Variants in LAMA2 observed in about 807,000 individuals in gnomAD.
LAMA2 encodes laminin subunit alpha-2.
Under a neutral mutation model 364.8 loss-of-function variants are expected in LAMA2, and 269 were observed. The ratio of observed to expected loss-of-function variants is 0.74; its 90% CI spans 0.67 to 0.82. LAMA2 has a LOEUF of 0.82. Among genes scored for constraint, LAMA2 ranks in the 40% least tolerant of loss-of-function variants. The pLI, the probability that LAMA2 is intolerant of heterozygous loss-of-function variation, is 0.00. For synonymous variants in LAMA2, 1,379 were observed against 1,370.6 expected (o/e 1.01, Z -0.14); for missense variants, 3,807 against 3,873.2 (o/e 0.98, Z 0.45).
intron 4 of LAMA2, among the ~76,000 whole-genome samples, chr6:129,099,484 A>G (rs1181418696): frequency 2.0e-5 from 3 of 152,052 alleles, no homozygotes; most frequent in Non-Finnish European, 1.5e-5. Flanking sequence ...TCCCTTTAGT[A>G]TATGTGACCC....
chr6:129,495,905 C>G (rs1785154584), intron 58 of LAMA2, among the ~76,000 whole-genome samples: 1 of 151,582 alleles, frequency 6.6e-6, no homozygotes, highest in African/African-American at 2.4e-5. Context: ...TTTAACTTTT[C>G]CGAAAACAGA....
chr6:129,388,811 A>T (rs1183848437), intron 35 of LAMA2, among the ~76,000 whole-genome samples: 1 of 152,200 alleles, frequency 6.6e-6, no homozygotes, highest in Non-Finnish European at 1.5e-5. Flanking sequence ...ATCAGTAGTT[A>T]CTTACATGCT....
intron 22 of LAMA2, among the ~76,000 whole-genome samples, chr6:129,301,766 G>A (rs1773564633): frequency 6.6e-6 from 1 of 152,122 alleles, no homozygotes. Context: ...TTACAGTGGT[G>A]TAATCATCCC....
At position 129,493,412 on chromosome 6, in the gene LAMA2, G is replaced by A. The variant is rs114219276; in HGVS notation, c.8244+929G>A. Among the ~76,000 whole-genome samples, 971 of 152,266 alleles carry A rather than the reference G, an allele frequency of 6.4e-3. 10 individuals carry two copies. Among genetic ancestry groups the A allele is most frequent in the African/African-American group, 0.022 (900 of 41,566 alleles). On this transcript the variant is annotated intron_variant, in intron 58 of 64. Coordinates refer to ENST00000421865, the MANE Select transcript of LAMA2 (RefSeq NM_000426.4). ...ATCTATTTCTCAGTTTCCCATCCAA[G>A]TACTAACCGGGCCCAACCCTGCTTA...
intron 1 of LAMA2, among the ~76,000 whole-genome samples, chr6:128,928,682 G>T (rs1779250177): frequency 6.6e-6 from 1 of 152,168 alleles, no homozygotes; most frequent in African/African-American, 2.4e-5. Context: ...TTATGCAAAA[G>T]AACGTCTTTC....
chr6:129,169,170 T>G (rs1339270552), intron 9 of LAMA2, among the ~76,000 whole-genome samples: 1 of 150,110 alleles, frequency 6.7e-6, no homozygotes, highest in Admixed American at 6.6e-5. Context: ...TCCTGCCTAA[T>G]TGCCCTGGCC....
chr6:128,889,415 T>C (rs1776321072), intron 1 of LAMA2, among the ~76,000 whole-genome samples: 2 of 152,200 alleles, frequency 1.3e-5, no homozygotes, highest in Admixed American at 1.3e-4. Context: ...TTTTTGTTAC[T>C]GTTTTAAGAA....
chr6:129,472,548 C>A (rs1041324911), intron 51 of LAMA2, among the ~76,000 whole-genome samples: 6 of 151,908 alleles, frequency 3.9e-5, no homozygotes, highest in Non-Finnish European at 7.4e-5. Context: ...TTTTTTCCAT[C>A]TATTTCTGAA....
intron 29 of LAMA2, among the ~76,000 whole-genome samples, chr6:129,337,077 TG>T (rs1394377901): frequency 2.0e-5 from 3 of 152,206 alleles, no homozygotes; most frequent in African/African-American, 7.2e-5. Context: ...TGCAGGTCTA[TG>T]GCCTATGGTA....
At chr6:128,995,163 T>C (rs560499388) in intron 1 of LAMA2, among the ~76,000 whole-genome samples, 16 of 152,228 alleles carry the variant, frequency 1.1e-4, no homozygotes, top group Non-Finnish European at 2.4e-4. Flanking sequence ...TCATATGATA[T>C]TCAACAACCT....
At chr6:129,444,591 G>A (rs1385634974) in intron 44 of LAMA2, among the ~76,000 whole-genome samples, 1 of 152,010 alleles carries the variant, frequency 6.6e-6, no homozygotes, top group African/African-American at 2.4e-5. Context: ...TTTAAATGCC[G>A]CTAACAGCAT....
At chr6:129,025,218 T>C (rs561335206) in intron 1 of LAMA2, among the ~76,000 whole-genome samples, 1 of 152,340 alleles carries the variant, frequency 6.6e-6, no homozygotes, top group South Asian at 2.1e-4. Flanking sequence ...ACTTCCACTT[T>C]TTTACATAAA....
intron 1 of LAMA2, among the ~76,000 whole-genome samples, chr6:129,039,654 C>A (rs767138122): frequency 6.6e-6 from 1 of 152,186 alleles, no homozygotes; most frequent in Non-Finnish European, 1.5e-5. Context: ...TTGTGGAAGA[C>A]AATTTTTCCA....
At chr6:129,347,398 G>A (rs1166392921) in intron 30 of LAMA2, among the ~76,000 whole-genome samples, 2 of 152,126 alleles carry the variant, frequency 1.3e-5, no homozygotes, top group Non-Finnish European at 2.9e-5. Context: ...TCATTCAGAG[G>A]AGAGAGGAGA....
chr6:129,353,810 A>G (rs1396742447), intron 32 of LAMA2, among the ~76,000 whole-genome samples: 2 of 152,206 alleles, frequency 1.3e-5, no homozygotes, highest in African/African-American at 2.4e-5. Context: ...ATGAAAATCC[A>G]TGGGCATACT....
chr6:129,167,101 C>G (rs560882228), intron 9 of LAMA2, among the ~76,000 whole-genome samples: 1 of 152,084 alleles, frequency 6.6e-6, no homozygotes, highest in East Asian at 1.9e-4. Context: ...CCTCTTCAAC[C>G]TATTTATCCC....
intron 34 of LAMA2, among the ~76,000 whole-genome samples, chr6:129,382,154 T>G (rs945749523): frequency 5.3e-5 from 8 of 152,236 alleles, no homozygotes; most frequent in African/African-American, 1.7e-4. Context: ...TATTCAAAAC[T>G]ATATTGAGAC....
intron 20 of LAMA2, among the ~76,000 whole-genome samples, chr6:129,296,648 C>T (rs1202017974): frequency 1.3e-5 from 2 of 151,774 alleles, no homozygotes; most frequent in Admixed American, 1.3e-4. Flanking sequence ...TTGGGTGGCT[C>T]ACGTTAAGTG....
At chr6:129,506,314 C>G (rs913740176) in intron 61 of LAMA2, among the ~76,000 whole-genome samples, 2 of 151,934 alleles carry the variant, frequency 1.3e-5, no homozygotes, top group African/African-American at 4.8e-5. Flanking sequence ...AATAGCACCA[C>G]TGCATTCCAG....
Sources: allele counts gnomAD v4.1 joint callset (sites outside exome capture counted in the v4.1 genomes callset), GRCh38; gene constraint gnomAD v4.1.1; transcripts MANE v1.5; gene names NCBI Gene and HGNC (gene_info 2026-07-23, HGNC 2026-07-21).